TAL1: variants seen among roughly 807,000 people sequenced by gnomAD.
The protein encoded by TAL1 is TAL bHLH transcription factor 1, erythroid differentiation factor.
TAL1 carries 8 observed loss-of-function variants against 17.9 expected under a neutral mutation model. The ratio of observed to expected loss-of-function variants is 0.45; its 90% CI spans 0.26 to 0.81. The LOEUF is 0.81. TAL1 is among the 30% of genes least tolerant of loss of function. The pLI, the probability that TAL1 is intolerant of heterozygous loss-of-function variation, is 0.17. For synonymous variants in TAL1, 223 were observed against 218.6 expected, an observed-to-expected ratio of 1.02 and a Z score of -0.18; for missense variants, 466 against 486.9, an observed-to-expected ratio of 0.96 and a Z score of 0.40.
At chr1:47,223,466 T>C (rs1643864738) in intron 3 of TAL1, 1 of 152,514 alleles carries the variant, frequency 6.6e-6, no homozygotes, top group Non-Finnish European at 1.5e-5. Context: ...GAACTCCAGG[T>C]CTAAGCCCAG....
At chr1:47,223,859 G>C in intron 3 of TAL1, 145 bp downstream of exon 4, 1 of 763,538 alleles carries the variant, frequency 1.3e-6, no homozygotes, top group Non-Finnish European at 2.3e-6. Context: ...TCAGCTGCAG[G>C]GTGAAGGGCT....
chr1:47,223,941 C>A, intron 3 of TAL1, 63 bp downstream of exon 4: 3 of 1,508,138 alleles, frequency 2.0e-6, no homozygotes, highest in Non-Finnish European at 2.8e-6. Flanking sequence ...CAGATGTTCC[C>A]TCCTCCAGAG....
At chr1:47,220,242 C>A in intron 3 of TAL1, 68 bp from the exon 5 acceptor site, 1 of 1,444,576 alleles carries the variant, frequency 6.9e-7, no homozygotes, top group Non-Finnish European at 9.1e-7. Flanking sequence ...CATCTCCATA[C>A]ATTGGGAAAC....
intron 2 of TAL1, among the ~76,000 whole-genome samples, chr1:47,224,322 C>T (rs1268615369): frequency 6.6e-6 from 1 of 151,728 alleles, no homozygotes; most frequent in Admixed American, 6.6e-5. Context: ...GAAAAGACAC[C>T]TAACCACACA....
intron 2 of TAL1, 34 bp from the exon 4 acceptor site, chr1:47,224,132 A>G: frequency 6.2e-7 from 1 of 1,602,676 alleles, no homozygotes; most frequent in Non-Finnish European, 8.5e-7. Flanking sequence ...ACAAGATCCC[A>G]TGTTGAGGGG....
exon 3 of TAL1, chr1:47,224,042 T>C (rs1476559742): frequency 1.2e-6 from 2 of 1,613,932 alleles, no homozygotes; most frequent in South Asian, 1.1e-5. Context: ...AGGTCTCCTC[T>C]TCACTCGATT....
chr1:47,219,345 T>C (rs1259886181), exon 4 of TAL1: 1 of 548,858 alleles, frequency 1.8e-6, no homozygotes, highest in Non-Finnish European at 3.5e-6. Context: ...AGGCAGAGAC[T>C]GCTGGATGCC....
At chr1:47,221,560 C>A (rs1057196539) in intron 3 of TAL1, among the ~76,000 whole-genome samples, 2 of 152,200 alleles carry the variant, frequency 1.3e-5, no homozygotes, top group Admixed American at 1.3e-4. Context: ...CTGCTTCTCT[C>A]CCTAACATCG....
intron 3 of TAL1, 151 bp downstream of exon 4, chr1:47,223,853 C>G: frequency 1.4e-6 from 1 of 737,114 alleles, no homozygotes; most frequent in Admixed American, 2.0e-5. Flanking sequence ...CCTAGCTCAG[C>G]TGCAGGGTGA....
At chr1:47,229,753 C>G (rs764716133) in exon 1 of TAL1, 20 of 152,238 alleles carry the variant, frequency 1.3e-4, no homozygotes, top group Non-Finnish European at 2.6e-4. Flanking sequence ...CGCTACACCG[C>G]GAAGGGATAG....
chr1:47,225,387 G>C, intron 2 of TAL1, 56 bp downstream of exon 3: 2 of 1,219,874 alleles, frequency 1.6e-6, no homozygotes, highest in Non-Finnish European at 2.0e-6. Flanking sequence ...ACCCCGGTGG[G>C]GGTGGTCGCC....
chr1:47,224,238 GCA>G (rs2148589949), intron 2 of TAL1, 140 bp from the exon 4 acceptor site: 1 of 675,986 alleles, frequency 1.5e-6, no homozygotes, highest in Admixed American at 2.3e-5. Context: ...CTGGGAATAG[GCA>G]CACACAGACA....
At chr1:47,225,573 C>A in exon 2 of TAL1, 1 of 1,283,212 alleles carries the variant, frequency 7.8e-7, no homozygotes, top group Non-Finnish European at 9.8e-7. Context: ...GTAACCGAGG[C>A]GGGCGCGGGG....
chr1:47,231,968 G>C (rs1024074115), upstream of TAL1, among the ~76,000 whole-genome samples: 2 of 152,226 alleles, frequency 1.3e-5, no homozygotes, highest in East Asian at 3.9e-4. Context: ...TCTCCGAGGC[G>C]GGAGGGGCGG....
At chr1:47,221,405 C>T (rs1643804032) in intron 3 of TAL1, among the ~76,000 whole-genome samples, 1 of 152,164 alleles carries the variant, frequency 6.6e-6, no homozygotes. Context: ...ACTTATGGAG[C>T]AGTGGCAGAT....
chr1:47,224,661 G>C (rs757825838), intron 2 of TAL1, among the ~76,000 whole-genome samples: 8 of 152,028 alleles, frequency 5.3e-5, no homozygotes, highest in Non-Finnish European at 1.2e-4. Flanking sequence ...CAGCTGAAAT[G>C]CTCCGCCTAG....
At chr1:47,230,163 TAGAC>T (rs1188512313), upstream of TAL1, 3 of 152,350 alleles carry the variant, frequency 2.0e-5, no homozygotes, top group Non-Finnish European at 4.4e-5. Context: ...TTTCGGGGTT[TAGAC>T]AGAGTAAGGG....
At chr1:47,225,121 CACG>C (rs1204371349) in intron 2 of TAL1, among the ~76,000 whole-genome samples, 2 of 152,156 alleles carry the variant, frequency 1.3e-5, no homozygotes, top group Non-Finnish European at 2.9e-5. Context: ...CTCCGTCCCC[CACG>C]ACACCACCAC....
intron 3 of TAL1, among the ~76,000 whole-genome samples, chr1:47,221,820 C>T (rs757935405): frequency 2.0e-5 from 3 of 152,224 alleles, no homozygotes; most frequent in Non-Finnish European, 4.4e-5. Context: ...ATCCATGCCA[C>T]ACTTACTGCC....
Sources: allele counts gnomAD v4.1 joint callset (sites outside exome capture counted in the v4.1 genomes callset), GRCh38; gene constraint gnomAD v4.1.1; transcripts MANE v1.5; gene names NCBI Gene and HGNC (gene_info 2026-07-23, HGNC 2026-07-21).